Variants in SNRPN observed in about 807,000 individuals in gnomAD.
The protein encoded by SNRPN is small nuclear ribonucleoprotein-associated protein N.
SNRPN carries 7 observed loss-of-function variants against 25.2 expected under a neutral mutation model. The ratio of observed to expected loss-of-function variants is 0.28; its 90% CI spans 0.16 to 0.52. The LOEUF (loss-of-function observed/expected upper bound fraction) is 0.52. Among genes scored for constraint, SNRPN ranks in the 20% least tolerant of loss-of-function variants. The pLI, the probability that SNRPN is intolerant of heterozygous loss-of-function variation, is 0.96. For missense variants in SNRPN, 196 were observed against 322.5 expected (o/e 0.61, Z 3.00); for synonymous variants, 124 against 110.6 (o/e 1.12, Z -0.76).
intron 3 of SNRPN, among the ~76,000 whole-genome samples, chr15:24,928,450 A>G (rs2060565598): frequency 6.6e-6 from 1 of 152,082 alleles, no homozygotes; most frequent in South Asian, 2.1e-4. Context: ...ACTGGAGGAC[A>G]TTATGTTAAA....
chr15:24,858,804 T>G (rs1279127890), intron 1 of SNRPN, among the ~76,000 whole-genome samples: 2 of 152,082 alleles, frequency 1.3e-5, no homozygotes, highest in Non-Finnish European at 1.5e-5. Context: ...CTGTGGGGTA[T>G]GATGAGGCTT....
intron 3 of SNRPN, among the ~76,000 whole-genome samples, chr15:24,946,457 TTTTTG>T (rs1334300272): frequency 1.3e-5 from 2 of 151,356 alleles, no homozygotes; most frequent in African/African-American, 2.5e-5. Context: ...TCACACGGTT[TTTTTG>T]TTTTGTTTTG....
intron 1 of SNRPN, among the ~76,000 whole-genome samples, chr15:24,884,533 C>G (rs539448463): frequency 6.6e-6 from 1 of 152,220 alleles, no homozygotes; most frequent in East Asian, 1.9e-4. Context: ...CTGCACAGAC[C>G]ACGTTTCTCA....
intron 2 of SNRPN, among the ~76,000 whole-genome samples, chr15:24,832,866 G>A (rs2050667959): frequency 6.6e-6 from 1 of 151,914 alleles, no homozygotes; most frequent in Non-Finnish European, 1.5e-5. Context: ...CAGCACTTTG[G>A]GAGGCCGAGG....
At chr15:24,926,308 G>A (rs1482116858) in intron 3 of SNRPN, among the ~76,000 whole-genome samples, 1 of 151,960 alleles carries the variant, frequency 6.6e-6, no homozygotes, top group Admixed American at 6.6e-5. Context: ...TGTTTACATA[G>A]TTAAAAATCA....
chr15:24,887,127 C>G (rs542638604), intron 2 of SNRPN, among the ~76,000 whole-genome samples: 1 of 151,832 alleles, frequency 6.6e-6, no homozygotes, highest in Non-Finnish European at 1.5e-5. Context: ...AATATATCCC[C>G]ACGAGCACAC....
At chr15:24,898,007 T>C (rs1012228347) in intron 2 of SNRPN, among the ~76,000 whole-genome samples, 1 of 152,208 alleles carries the variant, frequency 6.6e-6, no homozygotes, top group Non-Finnish European at 1.5e-5. Flanking sequence ...GTCTTCCCTT[T>C]AGTGTTAGGA....
At position 24,867,363 on chromosome 15, in the gene SNRPN, T is replaced by C. The variant is rs893125212; in HGVS notation, c.-579+10647T>C. ...ATTTACATTTCCCTGTATCTGTCTT[T>C]ATATTTAAATAAGTTTTTTTTTTTT... On this transcript the variant is annotated intron_variant, in intron 1 of 11. Coordinates refer to the SNRPN transcript ENST00000400097. 2.7e-5 allele frequency among the ~76,000 whole-genome samples: 4 copies of C among 148,396 alleles called. No individual in the cohort carries two copies. The Admixed American group carries it at 2.7e-4, about 10-fold the overall frequency.
intron 2 of SNRPN, among the ~76,000 whole-genome samples, chr15:24,838,039 A>ATT (rs145070247): frequency 9.7e-4 from 136 of 139,838 alleles, no homozygotes; most frequent in East Asian, 5.6e-3. Context: ...TTATTTATTT[A>ATT]TTTTTTTTTT....
At chr15:24,866,348 T>G (rs548553379) in intron 1 of SNRPN, among the ~76,000 whole-genome samples, 1 of 152,160 alleles carries the variant, frequency 6.6e-6, no homozygotes, top group Non-Finnish European at 1.5e-5. Flanking sequence ...ACATGTGTAT[T>G]ACCTCACATA....
At chr15:24,900,732 G>A (rs954960404) in intron 2 of SNRPN, among the ~76,000 whole-genome samples, 2 of 152,138 alleles carry the variant, frequency 1.3e-5, no homozygotes, top group East Asian at 3.9e-4. Flanking sequence ...TTCTAAGGCC[G>A]TTATACTAAG....
chr15:24,973,384 C>T lies in SNRPN; in HGVS notation c.-143-927C>T, dbSNP rs533140976. The stretch of plus-strand genomic sequence containing the variant: ...CATTTCTCCTAATGTGTCCCCATTA[C>T]GTGACTTATTTATTTATTTTGAGAT... On this transcript the variant is annotated intron_variant, in intron 3 of 9. Transcript: ENST00000390687. Among the ~76,000 whole-genome samples the T allele has an allele frequency of 4.5e-4, 69 of 152,164 alleles. 1 individual carries two copies. The South Asian group carries it at 0.013, about 30-fold the overall frequency.
At chr15:24,951,130 A>G (rs150517531), upstream of SNRPN, among the ~76,000 whole-genome samples, 1 of 152,078 alleles carries the variant, frequency 6.6e-6, no homozygotes, top group East Asian at 1.9e-4. Flanking sequence ...CAAAGTGCTG[A>G]TATTACAGGC....
At chr15:24,874,515 T>C (rs1351511170) in intron 1 of SNRPN, among the ~76,000 whole-genome samples, 1 of 152,034 alleles carries the variant, frequency 6.6e-6, no homozygotes, top group Non-Finnish European at 1.5e-5. Flanking sequence ...GAAAGAATAG[T>C]GTAATCAGCT....
At chr15:24,834,716 T>TCC in intron 2 of SNRPN, among the ~76,000 whole-genome samples, 8 of 77,334 alleles carry the variant, frequency 1.0e-4, no homozygotes, top group Non-Finnish European at 1.4e-4. Context: ...TGAGACCTTG[T>TCC]CTCTCTCTCT....
At chr15:24,834,715 G>GTCTCTCTCTCCCTC (rs2050859453) in intron 2 of SNRPN, among the ~76,000 whole-genome samples, 1 of 36,944 alleles carries the variant, frequency 2.7e-5, no homozygotes, top group Non-Finnish European at 6.9e-5. Context: ...GTGAGACCTT[G>GTCTCTCTCTCCCTC]TCTCTCTCTC....
chr15:24,918,313 TATATATATATA>T, intron 2 of SNRPN, among the ~76,000 whole-genome samples: 1 of 134,238 alleles, frequency 7.4e-6, no homozygotes, highest in Non-Finnish European at 1.6e-5. Context: ...TATGCAAACA[TATATATATATA>T]ACATAATATA....
rs1008495455 is a variant in SNRPN at position 24,929,793 on chromosome 15, G to A, written c.-391+9669G>A. Among the ~76,000 whole-genome samples, 2 of 152,178 alleles carry A rather than the reference G, an allele frequency of 1.3e-5. No homozygotes were observed. The highest frequency in any genetic ancestry group is 2.9e-5 in the Non-Finnish European group (2 of 68,032). Reference sequence around the variant, plus strand: ...TTTCTGTCAGTATCAGTTTCTGCAAGAGCAAAAATTACATATTTTTATTTT... The same window carrying A: ...TTTCTGTCAGTATCAGTTTCTGCAAAAGCAAAAATTACATATTTTTATTTT... On this transcript the variant is annotated intron_variant, in intron 3 of 11. Transcript: ENST00000400097. The surrounding 1 kb of genome is among the most constrained non-coding windows in gnomAD (Gnocchi z 5.3).
intron 2 of SNRPN, among the ~76,000 whole-genome samples, chr15:24,887,879 G>A (rs1012517055): frequency 1.8e-4 from 27 of 151,922 alleles, no homozygotes; most frequent in African/African-American, 5.8e-4. Context: ...ATGGAGTCAG[G>A]CAGAGAGGAC....
Sources: gnomAD v4.1 joint callset for allele counts (sites outside exome capture counted in the v4.1 genomes callset) on GRCh38, gnomAD v4.1.1 for gene constraint, Gnocchi (gnomAD v3.1) non-coding constraint, MANE v1.5 for transcripts, NCBI Gene and HGNC (gene_info 2026-07-23, HGNC 2026-07-21) for gene names.